Variants in ANO5 observed in about 807,000 individuals in gnomAD.
ANO5 encodes the protein anoctamin 5.
Under a neutral mutation model 121.0 loss-of-function variants are expected in ANO5, and 109 were observed. The observed-to-expected ratio is 0.90, with a 90% confidence interval of 0.77 to 1.06. The LOEUF (loss-of-function observed/expected upper bound fraction) is 1.06. Among genes scored for constraint, ANO5 ranks in the 50% least tolerant of loss-of-function variants. The pLI, the probability that ANO5 is intolerant of heterozygous loss-of-function variation, is 0.00. For synonymous variants in ANO5, 406 were observed against 359.9 expected (o/e 1.13, Z -1.45); for missense variants, 1,064 against 1,078.5 (o/e 0.99, Z 0.19).
At chr11:22,273,876 G>T (rs1002220987) in intron 19 of ANO5, among the ~76,000 whole-genome samples, 1 of 151,954 alleles carries the variant, frequency 6.6e-6, no homozygotes, top group Non-Finnish European at 1.5e-5. Context: ...AAAATTGCCA[G>T]ATCTATTCAG....
rs781027702 is a variant in ANO5 at position 22,279,544 on chromosome 11, C to G, written c.2521C>G (p.His841Asp). 108 of 1,607,580 alleles carry G rather than the reference C, an allele frequency of 6.7e-5. No homozygotes were observed. The highest frequency in any genetic ancestry group is 8.2e-5 in the Non-Finnish European group (96 of 1,175,088). The change falls in exon 22 of 22, where the codon CAT (histidine) becomes GAT (aspartate). Residue 841 changes from histidine to aspartate, a missense_variant and splice_region_variant. Physicochemically the swap from His to Asp is moderately conservative, Grantham distance 81. Coordinates refer to ENST00000324559, the MANE Select transcript of ANO5 (RefSeq NM_213599.3). ...AATCTTTCCTTTATATTTCCTCTAG[C>G]ATGTTGTGTTTTTAGTTAAATTTTT... ...AKMTFIIVMEHVVFLVKFLLA... is the reference protein window; with the variant it reads ...AKMTFIIVMEDVVFLVKFLLA...
At position 22,248,728 on chromosome 11, in the gene ANO5, A is replaced by T. The variant is rs1295086643; in HGVS notation, c.879-1509A>T. On this transcript the variant is annotated intron_variant, in intron 9 of 21. Coordinates refer to ENST00000324559, the MANE Select transcript of ANO5 (RefSeq NM_213599.3). Reference sequence around the variant, plus strand: ...ATGCTCAAGGAATAAGACTTGTGACAATTGAAAAGGAGAAAAAAGTAGTAC... The same window carrying T: ...ATGCTCAAGGAATAAGACTTGTGACTATTGAAAAGGAGAAAAAAGTAGTAC... Among the ~76,000 whole-genome samples the T allele has an allele frequency of 2.0e-5, 3 of 151,954 alleles. No homozygotes were observed. The East Asian group carries it at 5.8e-4, about 29-fold the overall frequency.
chr11:22,236,149 C>A lies in ANO5; in HGVS notation c.649-14C>A, dbSNP rs763172935. Reference sequence around the variant, plus strand: ...TCTGAGATGTGATAGTGTCTCTTTGCACTTACCTTGTAGGTGTACTATATT... The same window carrying A: ...TCTGAGATGTGATAGTGTCTCTTTGAACTTACCTTGTAGGTGTACTATATT... On this transcript the variant is annotated splice_polypyrimidine_tract_variant and intron_variant, in intron 7 of 21. Coordinates refer to ENST00000324559, the MANE Select transcript of ANO5 (RefSeq NM_213599.3). 1.2e-5 allele frequency: 18 copies of A among 1,543,078 alleles called. No individual in the cohort carries two copies. Among genetic ancestry groups the A allele is most frequent in the Non-Finnish European group, 8.1e-6 (9 of 1,116,034 alleles).
intron 2 of ANO5, 40 bp downstream of exon 2, chr11:22,203,890 G>A (rs758573473): frequency 1.5e-6 from 2 of 1,326,546 alleles, no homozygotes; most frequent in Admixed American, 3.6e-5. Context: ...TTATAAGTCA[G>A]AATAAAAAAT....
chr11:22,194,176 T>G (rs1851739135), intron 1 of ANO5, among the ~76,000 whole-genome samples: 1 of 152,226 alleles, frequency 6.6e-6, no homozygotes, highest in South Asian at 2.1e-4. Flanking sequence ...ATTTATCCAT[T>G]GTTTGCCAAA....
intron 9 of ANO5, among the ~76,000 whole-genome samples, chr11:22,242,815 G>GT (rs1853477677): frequency 6.6e-6 from 1 of 151,948 alleles, no homozygotes; most frequent in South Asian, 2.1e-4. Flanking sequence ...AGTCTTTAGG[G>GT]TTTTCTAGGT....
chr11:22,252,029 C>CAAAAAAA (rs10525160), intron 12 of ANO5, among the ~76,000 whole-genome samples: 8 of 45,856 alleles, frequency 1.7e-4, no homozygotes, highest in African/African-American at 5.4e-4. Context: ...GACGCCGTCT[C>CAAAAAAA]AAAAAAAAAA....
At chr11:22,203,984 G>A (rs998747339) in intron 2 of ANO5, 134 bp downstream of exon 2, 1 of 554,342 alleles carries the variant, frequency 1.8e-6, no homozygotes, top group African/African-American at 1.9e-5. Flanking sequence ...TTTTTAAGTA[G>A]CTAAAGCAAG....
Position 22,239,461 on chromosome 11 carries a change from A to G in ANO5, c.763-108A>G, listed in dbSNP as rs1853349516. ...AATTGAATATGAAATCTAAAAGTAA[A>G]AGAAAACATACCCTTGTTTACTAAC... On this transcript the variant is annotated intron_variant, in intron 8 of 21. Coordinates refer to ENST00000324559, the MANE Select transcript of ANO5 (RefSeq NM_213599.3). 86 of 776,856 alleles carry G rather than the reference A, an allele frequency of 1.1e-4. No individual in the cohort carries two copies. The South Asian group carries it at 1.2e-3, about 11-fold the overall frequency. The allele number at this position is 776,856 out of a possible 1,614,324, so 48.1% of individuals were successfully genotyped here.
chr11:22,262,961 T>C lies in ANO5; in HGVS notation c.1816T>C (p.Cys606Arg), dbSNP rs1257851959. Residue 606 changes from cysteine to arginine, a missense_variant, in exon 17 of 22, where the codon TGT becomes CGT. Coordinates refer to ENST00000324559, the MANE Select transcript of ANO5 (RefSeq NM_213599.3). ...WRSEECDPGGCLIELTTQLTI... is the reference protein window; with the variant it reads ...WRSEECDPGGRLIELTTQLTI... ...TTCTGACTAGTGTGATCCTGGAGGC[T>C]GTCTTATAGAATTGACAACCCAATT... 1.9e-6 allele frequency: 3 copies of C among 1,613,248 alleles called. No individual in the cohort carries two copies. The highest frequency in any genetic ancestry group is 2.5e-6 in the Non-Finnish European group (3 of 1,179,336).
chr11:22,262,797 A>T lies in ANO5; in HGVS notation c.1801-149A>T, dbSNP rs181786453. On this transcript the variant is annotated intron_variant, in intron 16 of 21. Coordinates refer to ENST00000324559, the MANE Select transcript of ANO5 (RefSeq NM_213599.3). ...GCTAGCCTGGCACTGGTCTGTGATC[A>T]GGTTTGGAACTATTGGGCTAAATAT... The T allele has an allele frequency of 5.8e-6, 4 of 686,138 alleles. No individual in the cohort carries two copies. The East Asian group carries it at 1.1e-4, about 19-fold the overall frequency. 42.5% of individuals were successfully genotyped at this position (686,138 alleles called of 1,614,324 possible).
At chr11:22,229,600 A>T (rs1357244640) in intron 7 of ANO5, among the ~76,000 whole-genome samples, 1 of 152,172 alleles carries the variant, frequency 6.6e-6, no homozygotes, top group Non-Finnish European at 1.5e-5. Context: ...GAAATAATAT[A>T]TGTAATGCAC....
At chr11:22,268,470 G>A (rs1047554699) in intron 17 of ANO5, among the ~76,000 whole-genome samples, 2 of 151,972 alleles carry the variant, frequency 1.3e-5, no homozygotes, top group South Asian at 2.1e-4. Flanking sequence ...TGTGTTGTGG[G>A]TGTATAGGAA....
chr11:22,273,116 A>T, intron 19 of ANO5, 127 bp downstream of exon 19: 1 of 1,015,846 alleles, frequency 9.8e-7, no homozygotes, highest in Non-Finnish European at 1.5e-6. Flanking sequence ...AACATTCCGA[A>T]ATTGTTATGC....
chr11:22,250,689 C>T, intron 10 of ANO5, 52 bp from the exon 11 acceptor site: 1 of 1,555,580 alleles, frequency 6.4e-7, no homozygotes, highest in Admixed American at 1.7e-5. Context: ...ACAGCTTGGA[C>T]TTTTACCTAA....
chr11:22,204,929 A>G lies in ANO5; in HGVS notation c.87+1079A>G, dbSNP rs566271135. ...CATTGTAGCACTATTCACAATAGCAAAGACATGGAATCAACCTAAATGCCC... is the reference window on the plus strand; with the variant it reads ...CATTGTAGCACTATTCACAATAGCAGAGACATGGAATCAACCTAAATGCCC... On this transcript the variant is annotated intron_variant, in intron 2 of 21. Coordinates refer to ENST00000324559, the MANE Select transcript of ANO5 (RefSeq NM_213599.3). Among the ~76,000 whole-genome samples the G allele has an allele frequency of 3.9e-5, 6 of 152,296 alleles. No homozygotes were observed. In the South Asian group the frequency reaches 1.2e-3, roughly 32 times the overall value.
chr11:22,248,439 A>G lies in ANO5; in HGVS notation c.879-1798A>G, dbSNP rs190457054. Among the ~76,000 whole-genome samples, 36 of 152,186 alleles carry G rather than the reference A, an allele frequency of 2.4e-4. No individual in the cohort carries two copies. In the East Asian group the frequency reaches 5.8e-3, roughly 24 times the overall value. ...TATTTTCTTAGTTATGACTAACAAG[A>G]TAGTTTAAATTAAATATTAAATGTG... On this transcript the variant is annotated intron_variant, in intron 9 of 21. Transcript: ENST00000324559.
rs555560898 is a variant in ANO5, at chr11:22,204,563, T to A, written c.87+713T>A. On this transcript the variant is annotated intron_variant, in intron 2 of 21. Coordinates refer to ENST00000324559, the MANE Select transcript of ANO5 (RefSeq NM_213599.3). ...TTGAAATTTCTGCTTGGAAAACACG[T>A]CCTTCTAGAATAGGTTGGCTATTTG... Among the ~76,000 whole-genome samples, 6 of 152,258 alleles carry A rather than the reference T, an allele frequency of 3.9e-5. No individual in the cohort carries two copies. In the South Asian group the frequency reaches 1.2e-3, roughly 32 times the overall value.
chr11:22,274,751 ATTTGTTTG>A lies in ANO5; in HGVS notation c.2414+16_2414+23del. On this transcript the variant is annotated splice_donor_5th_base_variant and intron_variant, in intron 20 of 21. Coordinates refer to ENST00000324559, the MANE Select transcript of ANO5 (RefSeq NM_213599.3). The stretch of plus-strand genomic sequence containing the variant: ...AACGAGACTTCATCACTTGCAGGTG[ATTTGTTTG>A]TTTGTTTGTTTAGGTTTTAGTTTTA... The A allele has an allele frequency of 1.2e-6, 2 of 1,612,674 alleles. No individual in the cohort carries two copies. Among genetic ancestry groups the A allele is most frequent in the Non-Finnish European group, 1.7e-6 (2 of 1,179,208 alleles).
Sources: gnomAD v4.1 joint callset for allele counts (sites outside exome capture counted in the v4.1 genomes callset) on GRCh38, gnomAD v4.1.1 for gene constraint, MANE v1.5 for transcripts, NCBI Gene and HGNC (gene_info 2026-07-23, HGNC 2026-07-21) for gene names.